Variants in KLHL32 observed in about 807,000 individuals in gnomAD.
The protein encoded by KLHL32 is kelch like family member 32, also known as kelch-like protein 32.
Under a neutral mutation model 64.8 loss-of-function variants are expected in KLHL32, and 35 were observed. That is an observed-to-expected ratio of 0.54 (90% CI 0.41 to 0.72). The LOEUF (loss-of-function observed/expected upper bound fraction) is 0.72. Ranked by LOEUF, KLHL32 falls within the 30% of genes least tolerant of loss-of-function variation. The pLI is 0.00. For synonymous variants in KLHL32, 259 were observed against 281.0 expected (o/e 0.92, Z 0.78); for missense variants, 589 against 768.5 (o/e 0.77, Z 2.76).
At chr6:97,092,256 T>C (rs1794371415) in intron 6 of KLHL32, among the ~76,000 whole-genome samples, 1 of 152,238 alleles carries the variant, frequency 6.6e-6, no homozygotes, top group Non-Finnish European at 1.5e-5. Flanking sequence ...CCCAAAGTGC[T>C]GGGATTACAG....
chr6:97,006,515 T>G (rs192896140), intron 3 of KLHL32, among the ~76,000 whole-genome samples: 1 of 152,296 alleles, frequency 6.6e-6, no homozygotes, highest in African/African-American at 2.4e-5. Context: ...ACATTTAAGG[T>G]TAATATTGAT....
chr6:96,966,961 C>A, intron 1 of KLHL32, 35 bp from the exon 2 acceptor site: 1 of 1,068,482 alleles, frequency 9.4e-7, no homozygotes, highest in Non-Finnish European at 1.4e-6. Context: ...CTGCATTTAG[C>A]TCAATGCACC....
intron 3 of KLHL32, among the ~76,000 whole-genome samples, chr6:97,013,367 CGTT>C (rs1780667316): frequency 1.3e-5 from 2 of 152,086 alleles, no homozygotes. Context: ...GCCTTGGTTT[CGTT>C]GTTGTAAAAT....
intron 10 of KLHL32, among the ~76,000 whole-genome samples, chr6:97,135,627 T>C (rs1799924638): frequency 1.3e-5 from 2 of 152,174 alleles, no homozygotes; most frequent in Admixed American, 6.5e-5. Context: ...TTACTATTAA[T>C]AGGTAATAAG....
At chr6:96,998,864 C>A (rs1190963255) in intron 3 of KLHL32, among the ~76,000 whole-genome samples, 2 of 152,190 alleles carry the variant, frequency 1.3e-5, no homozygotes, top group Non-Finnish European at 2.9e-5. Flanking sequence ...ACATGGTAAA[C>A]TGATCGTTAT....
Position 97,100,987 on chromosome 6 carries a change from T to TTTTTTTC in KLHL32, c.628-12796_628-12795insTTTTTTC, listed in dbSNP as rs1554239252. On this transcript the variant is annotated intron_variant, in intron 6 of 10. Transcript: ENST00000369261. ...CAAGCTTTTTTTTTTTTTTTTTTTT[T>TTTTTTTC]GGTAGAGACAGGGCCTCCCTATGTT... is the stretch of plus-strand genomic sequence containing the variant. Among the ~76,000 whole-genome samples the TTTTTTTC allele has an allele frequency of 7.6e-5, 10 of 131,552 alleles. No homozygotes were observed. The South Asian group carries it at 2.2e-3, about 29-fold the overall frequency. 86.3% of individuals were successfully genotyped at this position (131,552 alleles called of 152,430 possible).
chr6:97,114,007 A>T lies in KLHL32; in HGVS notation c.852A>T (p.Pro284=). ...TCTGGCAGACTCGCAGGACCAAACC[A>T]CGATTCCAGTCAGACACTCTGTATA... The part of the protein sequence containing the change: ...QPVWQTRRTK[P]RFQSDTLYII... Residue 284 remains proline, a synonymous_variant, in exon 7 of 11, where the codon CCA becomes CCT. Transcript: ENST00000369261. The T allele has an allele frequency of 6.2e-7, 1 of 1,614,170 alleles. No individual in the cohort carries two copies. The highest frequency in any genetic ancestry group is 8.5e-7 in the Non-Finnish European group (1 of 1,180,032).
intron 3 of KLHL32, among the ~76,000 whole-genome samples, chr6:96,988,586 C>T (rs1434258448): frequency 6.6e-6 from 1 of 152,142 alleles, no homozygotes; most frequent in African/African-American, 2.4e-5. Context: ...CCATTTGACC[C>T]AGCCATCCCA....
intron 3 of KLHL32, among the ~76,000 whole-genome samples, chr6:97,012,032 A>G (rs530431465): frequency 8.6e-4 from 131 of 152,316 alleles, no homozygotes; most frequent in African/African-American, 3.1e-3. Context: ...CAATCACGTA[A>G]CTGCTGAATG....
At chr6:97,063,372 A>G (rs1168996484) in intron 4 of KLHL32, among the ~76,000 whole-genome samples, 1 of 152,226 alleles carries the variant, frequency 6.6e-6, no homozygotes, top group African/African-American at 2.4e-5. Context: ...CAAACCTACC[A>G]TCCAGTAGAA....
rs74854911 is a variant in KLHL32, at chr6:97,127,737, G to A, written c.1413+275G>A. 1.6e-3 allele frequency among the ~76,000 whole-genome samples: 244 copies of A among 152,238 alleles called. 1 individual carries two copies. The highest frequency in any genetic ancestry group is 2.5e-3 in the Non-Finnish European group (167 of 68,012). ...ATGATTTGAATTGTCCTGTTGTAAC[G>A]TCCTTCTGGAAGGGGCTGCCATTCT... On this transcript the variant is annotated intron_variant, in intron 8 of 10. Coordinates refer to ENST00000369261, the MANE Select transcript of KLHL32 (RefSeq NM_052904.4).
At chr6:97,122,664 A>T (rs1383184642) in intron 7 of KLHL32, among the ~76,000 whole-genome samples, 1 of 152,202 alleles carries the variant, frequency 6.6e-6, no homozygotes, top group Non-Finnish European at 1.5e-5. Flanking sequence ...AATGGTAAGA[A>T]ATTTTTATAA....
At chr6:97,012,508 C>T (rs911997497) in intron 3 of KLHL32, among the ~76,000 whole-genome samples, 10 of 152,192 alleles carry the variant, frequency 6.6e-5, no homozygotes, top group East Asian at 1.9e-4. Flanking sequence ...CCCAGTGAGA[C>T]GCATTTTGGG....
chr6:97,133,568 A>G (rs1799666506), intron 10 of KLHL32, among the ~76,000 whole-genome samples: 2 of 152,126 alleles, frequency 1.3e-5, no homozygotes, highest in South Asian at 4.1e-4. Flanking sequence ...TTTCTTTTTC[A>G]GTCACATCTC....
At chr6:97,126,445 G>A (rs975361951) in intron 7 of KLHL32, among the ~76,000 whole-genome samples, 1 of 151,766 alleles carries the variant, frequency 6.6e-6, no homozygotes, top group Non-Finnish European at 1.5e-5. Flanking sequence ...AGTATGAAAA[G>A]AAGTATGAGG....
chr6:97,110,855 G>A (rs1259485424), intron 6 of KLHL32, among the ~76,000 whole-genome samples: 1 of 152,240 alleles, frequency 6.6e-6, no homozygotes, highest in East Asian at 1.9e-4. Context: ...TTGGTGTGGG[G>A]ATGGTTGTGG....
Position 97,114,364 on chromosome 6 carries a change from T to G in KLHL32, c.1209T>G (p.Val403=), listed in dbSNP as rs1380613310. 6.2e-7 allele frequency: 1 copy of G among 1,614,088 alleles called. No individual in the cohort carries two copies. The highest frequency in any genetic ancestry group is 8.5e-7 in the Non-Finnish European group (1 of 1,180,040). The change falls in exon 7 of 11, where the codon GTT becomes GTG. Residue 403 remains valine, a synonymous_variant. Coordinates refer to ENST00000369261, the MANE Select transcript of KLHL32 (RefSeq NM_052904.4). The part of the protein sequence containing the change: ...LGAMEEYLYA[V]GGRNELRQVL... ...CCATGGAGGAATACCTCTATGCAGT[T>G]GGGGGCAGAAATGAACTGCGCCAGG... is the stretch of plus-strand genomic sequence containing the variant.
chr6:97,085,362 C>A lies in KLHL32; in HGVS notation c.627+21C>A. ...GGCAGGTAAGGGCGCTGTGCACGGT[C>A]GCTTTTGGCACTGAAAAAGCATGCC... is the stretch of plus-strand genomic sequence containing the variant. On this transcript the variant is annotated intron_variant, in intron 6 of 10. Transcript: ENST00000369261. 2.5e-6 allele frequency: 4 copies of A among 1,602,336 alleles called. No homozygotes were observed. In the South Asian group the frequency reaches 4.4e-5, roughly 18 times the overall value.
intron 5 of KLHL32, among the ~76,000 whole-genome samples, chr6:97,066,934 G>T (rs1248453701): frequency 6.6e-6 from 1 of 152,142 alleles, no homozygotes; most frequent in African/African-American, 2.4e-5. Context: ...CAGGAATTGT[G>T]CCCCTTCAAT....
Sources: allele counts gnomAD v4.1 joint callset (sites outside exome capture counted in the v4.1 genomes callset), GRCh38; gene constraint gnomAD v4.1.1; transcripts MANE v1.5; gene names NCBI Gene and HGNC (gene_info 2026-07-23, HGNC 2026-07-21).